The following BET1 variants were observed in gnomAD, a reference collection of about 807,000 sequenced individuals.
BET1 encodes BET1 homolog.
Under a neutral mutation model 13.9 loss-of-function variants are expected in BET1, and 9 were observed. That is an observed-to-expected ratio of 0.65 (90% CI 0.39 to 1.13). The LOEUF (loss-of-function observed/expected upper bound fraction) is 1.13, where lower values mean the gene tolerates loss of function less well. BET1 is among the 50% of genes most tolerant of loss of function. BET1 has a pLI of 0.01. For synonymous variants in BET1, 39 were observed against 47.3 expected, an observed-to-expected ratio of 0.82 and a Z score of 0.72; for missense variants, 127 against 133.6, an observed-to-expected ratio of 0.95 and a Z score of 0.24.
At chr7:93,995,440 CT>C (rs1292236042) in intron 3 of BET1, among the ~76,000 whole-genome samples, 1 of 152,134 alleles carries the variant, frequency 6.6e-6, no homozygotes, top group East Asian at 1.9e-4. Flanking sequence ...GGCTCATATA[CT>C]TTAGATCTAT....
chr7:93,984,830 G>A (rs1314455672), intron 4 of BET1, among the ~76,000 whole-genome samples: 1 of 152,156 alleles, frequency 6.6e-6, no homozygotes, highest in East Asian at 1.9e-4. Context: ...ACTTAGTCAT[G>A]TATTAGTACT....
At chr7:93,994,422 G>A (rs1355273154) in intron 3 of BET1, 37 bp from the exon 4 acceptor site, 2 of 1,582,376 alleles carry the variant, frequency 1.3e-6, no homozygotes, top group East Asian at 4.5e-5. Flanking sequence ...ATCACAGTTA[G>A]ATTCTAAGAG....
intron 4 of BET1, among the ~76,000 whole-genome samples, chr7:93,978,376 T>TCAGG (rs1331060818): frequency 6.6e-6 from 1 of 152,140 alleles, no homozygotes; most frequent in Non-Finnish European, 1.5e-5. Context: ...GCCTGCAATC[T>TCAGG]CATTTTTAAG....
downstream of BET1, among the ~76,000 whole-genome samples, chr7:93,989,988 C>T (rs1584138814): frequency 6.6e-6 from 1 of 152,006 alleles, no homozygotes; most frequent in African/African-American, 2.4e-5. Flanking sequence ...GTATGGATAT[C>T]TTTAATAGAC....
intron 2 of BET1, 46 bp from the exon 3 acceptor site, chr7:93,996,367 C>T (rs1399909652): frequency 2.2e-6 from 3 of 1,347,578 alleles, no homozygotes; most frequent in Non-Finnish European, 2.0e-6. Flanking sequence ...TAAAAGTATT[C>T]AAGTGTTATA....
chr7:93,993,064 T>G (rs955995193), downstream of BET1: 2 of 980,906 alleles, frequency 2.0e-6, no homozygotes, highest in African/African-American at 3.5e-5. Context: ...AGAAAATACA[T>G]TCATAACCCA....
chr7:93,986,973 G>T lies in BET1; in HGVS notation c.235+7379C>A, dbSNP rs187176666. On this transcript the variant is annotated intron_variant and NMD_transcript_variant, in intron 4 of 6. Coordinates refer to the BET1 transcript ENST00000357520. Reference sequence around the variant, plus strand: ...CAATGGGGTACACCTCATAGCCTAAGTGTACAGTAGAACATACCATGTAGG... The same window carrying T: ...CAATGGGGTACACCTCATAGCCTAATTGTACAGTAGAACATACCATGTAGG... Among the ~76,000 whole-genome samples the T allele has an allele frequency of 1.6e-3, 236 of 152,064 alleles. 1 individual carries two copies. Among genetic ancestry groups the T allele is most frequent in the Non-Finnish European group, 1.0e-3 (68 of 67,980 alleles).
intron 4 of BET1, among the ~76,000 whole-genome samples, chr7:93,976,254 T>A (rs1327042178): frequency 6.6e-6 from 1 of 152,114 alleles, no homozygotes; most frequent in East Asian, 1.9e-4. Context: ...GATAGAAAGC[T>A]TTCTAAGTCA....
At chr7:93,962,788 CT>C (rs1437945304) in exon 7 of BET1, 3 of 150,902 alleles carry the variant, frequency 2.0e-5, no homozygotes, top group African/African-American at 7.3e-5. Flanking sequence ...TCAGATAAAC[CT>C]TTATTAAAAA....
intron 1 of BET1, chr7:93,999,797 G>C: frequency 2.3e-6 from 1 of 427,634 alleles, no homozygotes; most frequent in South Asian, 1.7e-5. Context: ...AAAGCAGGGA[G>C]GGGGCAAACT....
intron 3 of BET1, among the ~76,000 whole-genome samples, chr7:93,995,000 C>A (rs573032240): frequency 1.3e-5 from 2 of 152,258 alleles, no homozygotes; most frequent in Admixed American, 6.5e-5. Context: ...CACGCCACCA[C>A]GCCCAGCTAA....
chr7:93,999,848 T>C (rs1307964242), intron 1 of BET1: 1 of 363,758 alleles, frequency 2.7e-6, no homozygotes, highest in Non-Finnish European at 5.4e-6. Context: ...TGCAGAATGC[T>C]AGCTGAGAGT....
At chr7:93,992,904 T>C, downstream of BET1, 2 of 985,404 alleles carry the variant, frequency 2.0e-6, no homozygotes, top group Non-Finnish European at 2.4e-6. Context: ...CAGGCTTATC[T>C]GTTTAAGTCC....
At chr7:93,971,746 T>TA (rs1197684866) in intron 6 of BET1, among the ~76,000 whole-genome samples, 1 of 151,800 alleles carries the variant, frequency 6.6e-6, no homozygotes, top group Non-Finnish European at 1.5e-5. Flanking sequence ...GTTATTATAT[T>TA]ATAGGTTAAT....
At chr7:93,976,173 A>C (rs966957809) in intron 4 of BET1, 54 of 1,018,158 alleles carry the variant, frequency 5.3e-5, no homozygotes, top group Non-Finnish European at 6.6e-5. Context: ...TTAAAGTAGA[A>C]GTAAATGTAC....
chr7:93,986,343 A>T (rs1353447932), intron 4 of BET1, among the ~76,000 whole-genome samples: 1 of 152,186 alleles, frequency 6.6e-6, no homozygotes, highest in African/African-American at 2.4e-5. Flanking sequence ...CTAAGTTGCT[A>T]ATATTTATCA....
intron 4 of BET1, among the ~76,000 whole-genome samples, chr7:93,985,230 TAA>T (rs1252410184): frequency 6.6e-6 from 1 of 152,154 alleles, no homozygotes; most frequent in Non-Finnish European, 1.5e-5. Flanking sequence ...AGACTTTCTA[TAA>T]AGTTTCATGC....
At chr7:93,990,018 A>G (rs1049013131), downstream of BET1, among the ~76,000 whole-genome samples, 2 of 151,950 alleles carry the variant, frequency 1.3e-5, no homozygotes, top group Non-Finnish European at 2.9e-5. Flanking sequence ...ACATATTTGG[A>G]CTCCTTGAAA....
intron 5 of BET1, among the ~76,000 whole-genome samples, chr7:93,974,292 A>G (rs937410918): frequency 3.9e-5 from 6 of 152,022 alleles, no homozygotes; most frequent in Admixed American, 2.6e-4. Context: ...GACAGGTACT[A>G]AAAGTAGTGA....
Sources: allele counts gnomAD v4.1 joint callset (sites outside exome capture counted in the v4.1 genomes callset), GRCh38; gene constraint gnomAD v4.1.1; transcripts MANE v1.5; gene names NCBI Gene and HGNC (gene_info 2026-07-23, HGNC 2026-07-21).